RFX4: variants seen among roughly 807,000 people sequenced by gnomAD.
RFX4 encodes the protein transcription factor RFX4.
Under a neutral mutation model 95.0 loss-of-function variants are expected in RFX4, and 10 were observed. The observed-to-expected ratio is 0.11, with a 90% confidence interval of 0.06 to 0.18. RFX4 has a LOEUF of 0.18. Ranked by LOEUF, RFX4 falls within the 10% of genes least tolerant of loss-of-function variation. The probability of loss-of-function intolerance (pLI) is 1.00; values close to 1 mark genes in which losing one functional copy is unlikely to be tolerated. For synonymous variants in RFX4, 321 were observed against 340.7 expected (o/e 0.94, Z 0.64); for missense variants, 640 against 922.0 (o/e 0.69, Z 3.96).
chr12:106,714,954 G>C (rs1050840374), intron 10 of RFX4: 1 of 153,266 alleles, frequency 6.5e-6, no homozygotes, highest in Non-Finnish European at 1.5e-5. Context: ...AAATTTCTGG[G>C]ATTAAGTTAG....
chr12:106,648,059 T>G (rs1398497925), intron 3 of RFX4, among the ~76,000 whole-genome samples: 1 of 152,192 alleles, frequency 6.6e-6, no homozygotes, highest in African/African-American at 2.4e-5. Context: ...ATGTGGCTTT[T>G]CCTACAGACA....
At chr12:106,749,243 G>C (rs1340134943) in intron 16 of RFX4, among the ~76,000 whole-genome samples, 4 of 136,148 alleles carry the variant, frequency 2.9e-5, no homozygotes, top group African/African-American at 5.7e-5. Flanking sequence ...AGAATAGAGC[G>C]ATATACTCCA....
chr12:106,608,056 G>C (rs1174217031), intron 1 of RFX4, among the ~76,000 whole-genome samples: 1 of 152,148 alleles, frequency 6.6e-6, no homozygotes, highest in Non-Finnish European at 1.5e-5. Flanking sequence ...AGCCGAACTT[G>C]GTGGCGGGTG....
At chr12:106,643,773 CTTTTA>C (rs1311590070) in intron 3 of RFX4, among the ~76,000 whole-genome samples, 5 of 152,042 alleles carry the variant, frequency 3.3e-5, no homozygotes, top group African/African-American at 9.7e-5. Flanking sequence ...TTTTGCTTTA[CTTTTA>C]TTTTGTTTAC....
At chr12:106,710,741 T>A (rs901356323) in intron 9 of RFX4, among the ~76,000 whole-genome samples, 3 of 152,166 alleles carry the variant, frequency 2.0e-5, no homozygotes, top group African/African-American at 7.2e-5. Context: ...ATTTTGAGAA[T>A]GTGCAAGGGG....
intron 7 of RFX4, among the ~76,000 whole-genome samples, chr12:106,695,769 G>A (rs999400529): frequency 1.3e-5 from 2 of 151,974 alleles, no homozygotes; most frequent in East Asian, 1.9e-4. Flanking sequence ...AATCTTTGAC[G>A]CACAAATTTG....
chr12:106,710,358 A>G (rs2042169446), intron 9 of RFX4, among the ~76,000 whole-genome samples: 1 of 152,154 alleles, frequency 6.6e-6, no homozygotes, highest in African/African-American at 2.4e-5. Flanking sequence ...CATGGCTCTC[A>G]GCTCTTTTCT....
intron 17 of RFX4, 139 bp downstream of exon 17, chr12:106,750,932 A>G (rs2042990378): frequency 2.8e-6 from 2 of 712,446 alleles, no homozygotes; most frequent in Admixed American, 9.0e-5. Flanking sequence ...TTATTTATTT[A>G]TTTATTTATT....
At chr12:106,692,118 C>T (rs1344734341) in intron 7 of RFX4, among the ~76,000 whole-genome samples, 1 of 150,254 alleles carries the variant, frequency 6.7e-6, no homozygotes, top group Non-Finnish European at 1.5e-5. Context: ...GATTGCGTCA[C>T]TGCACTCCAG....
intron 17 of RFX4, among the ~76,000 whole-genome samples, chr12:106,759,547 G>T (rs1467670309): frequency 6.6e-6 from 1 of 152,156 alleles, no homozygotes; most frequent in African/African-American, 2.4e-5. Flanking sequence ...ATTTAGAGAG[G>T]TTCCTGTGCT....
chr12:106,663,866 T>C (rs1033887177), intron 4 of RFX4, among the ~76,000 whole-genome samples: 2 of 151,940 alleles, frequency 1.3e-5, no homozygotes, highest in Non-Finnish European at 1.5e-5. Flanking sequence ...TAGATTACAT[T>C]AATTGATTTT....
intron 15 of RFX4, among the ~76,000 whole-genome samples, chr12:106,741,012 G>A (rs2042795106): frequency 6.6e-6 from 1 of 152,176 alleles, no homozygotes; most frequent in African/African-American, 2.4e-5. Context: ...GGCAGGAGAG[G>A]AAGTTGCAGA....
Position 106,666,161 on chromosome 12 carries a change from G to A in RFX4, c.315+11810G>A, listed in dbSNP as rs114383936. On this transcript the variant is annotated intron_variant, in intron 4 of 17. Coordinates refer to ENST00000392842, the MANE Select transcript of RFX4 (RefSeq NM_213594.3). ...TAATTTCTAGTGTACAGAAACTTAGGTTGGTAGGTTTTTTCCTCTCAATAC... is the reference window on the plus strand; with the variant it reads ...TAATTTCTAGTGTACAGAAACTTAGATTGGTAGGTTTTTTCCTCTCAATAC... 8.7e-4 allele frequency among the ~76,000 whole-genome samples: 132 copies of A among 152,036 alleles called. 1 individual carries two copies. The highest frequency in any genetic ancestry group is 3.0e-3 in the African/African-American group (125 of 41,534).
rs1410104246 is a variant in RFX4 at position 106,586,999 on chromosome 12, G to C, written c.43+3636G>C. ...TGTGTGTGCGCGCGCGCGGGCGAAC[G>C]GGGCATGTGCGCCCCCATCTCTGCC... On this transcript the variant is annotated intron_variant, in intron 1 of 17. Transcript: ENST00000392842. The surrounding 1 kb of genome is among the most constrained non-coding windows in gnomAD (Gnocchi z 5.6). 6.6e-6 allele frequency among the ~76,000 whole-genome samples: 1 copy of C among 152,186 alleles called. No homozygotes were observed. The highest frequency in any genetic ancestry group is 1.5e-5 in the Non-Finnish European group (1 of 68,034).
chr12:106,585,555 C>T (rs958070757), intron 1 of RFX4, among the ~76,000 whole-genome samples: 1 of 152,172 alleles, frequency 6.6e-6, no homozygotes, highest in African/African-American at 2.4e-5. Context: ...AGTCCAGAAG[C>T]CTTCCCTCAC....
chr12:106,640,256 G>T (rs1457037705), intron 3 of RFX4, among the ~76,000 whole-genome samples: 1 of 152,208 alleles, frequency 6.6e-6, no homozygotes, highest in East Asian at 1.9e-4. Context: ...CCAATCAGTG[G>T]CAGAGGCAGG....
At chr12:106,693,219 G>A (rs2041819377) in intron 7 of RFX4, 1 of 281,018 alleles carries the variant, frequency 3.6e-6, no homozygotes, top group South Asian at 3.3e-5. Context: ...AGTATCATTG[G>A]ACAATAAATG....
At chr12:106,603,875 G>A (rs2039765015) in intron 1 of RFX4, among the ~76,000 whole-genome samples, 1 of 152,044 alleles carries the variant, frequency 6.6e-6, no homozygotes, top group African/African-American at 2.4e-5. Flanking sequence ...TGTGAAAATG[G>A]CTTCTATGGT....
At chr12:106,661,182 T>A (rs1468547126) in intron 4 of RFX4, among the ~76,000 whole-genome samples, 1 of 151,902 alleles carries the variant, frequency 6.6e-6, no homozygotes, top group Non-Finnish European at 1.5e-5. Flanking sequence ...ACTTCCTCCA[T>A]CTATCAAATG....
Sources: allele counts gnomAD v4.1 joint callset (sites outside exome capture counted in the v4.1 genomes callset), GRCh38; gene constraint gnomAD v4.1.1; non-coding constraint Gnocchi (gnomAD v3.1); transcripts MANE v1.5; gene names NCBI Gene and HGNC (gene_info 2026-07-23, HGNC 2026-07-21).